FARP1: variants seen among roughly 807,000 people sequenced by gnomAD.
FARP1 encodes the protein FERM, ARHGEF and pleckstrin domain-containing protein 1.
Under a neutral mutation model 128.8 loss-of-function variants are expected in FARP1, and 52 were observed. That is an observed-to-expected ratio of 0.40 (90% confidence interval 0.32 to 0.51). The LOEUF (loss-of-function observed/expected upper bound fraction) is 0.51. FARP1 is among the 20% of genes least tolerant of loss of function. FARP1 has a pLI of 0.45. For synonymous variants in FARP1, 580 were observed against 551.8 expected, an observed-to-expected ratio of 1.05 and a Z score of -0.72; for missense variants, 1,333 against 1,367.9, an observed-to-expected ratio of 0.97 and a Z score of 0.40.
intron 2 of FARP1, among the ~76,000 whole-genome samples, chr13:98,321,141 A>G (rs1419091341): frequency 6.6e-6 from 1 of 152,216 alleles, no homozygotes; most frequent in African/African-American, 2.4e-5. Context: ...GATTCAGACA[A>G]ACCCTCCAGG....
chr13:98,255,437 C>T (rs953529523), intron 2 of FARP1, among the ~76,000 whole-genome samples: 4 of 152,026 alleles, frequency 2.6e-5, no homozygotes, highest in African/African-American at 9.7e-5. Flanking sequence ...GGACGCGAAG[C>T]TTGCAGTGAG....
At chr13:98,417,191 T>A (rs1288246970) in intron 16 of FARP1, among the ~76,000 whole-genome samples, 1 of 151,850 alleles carries the variant, frequency 6.6e-6, no homozygotes, top group Non-Finnish European at 1.5e-5. Flanking sequence ...GCTTTGGGAA[T>A]GATAATTTTG....
Position 98,439,223 on chromosome 13 carries a change from G to A in FARP1, c.2433+27G>A, listed in dbSNP as rs1326010153. The A allele has an allele frequency of 5.2e-6, 8 of 1,544,016 alleles. No homozygotes were observed. In the Admixed American group the frequency reaches 5.2e-5, roughly 10 times the overall value. On this transcript the variant is annotated intron_variant, in intron 21 of 26. Coordinates refer to ENST00000319562, the MANE Select transcript of FARP1 (RefSeq NM_005766.4). ...TGAGTACAGCACAGGCTCGTGGCCA[G>A]GGCCTGTCCTCGGGGGCAGCAGGTG... is the stretch of plus-strand genomic sequence containing the variant.
chr13:98,288,688 G>A (rs1885310279), intron 2 of FARP1, among the ~76,000 whole-genome samples: 1 of 152,164 alleles, frequency 6.6e-6, no homozygotes, highest in Non-Finnish European at 1.5e-5. Context: ...CATGGTTAGT[G>A]GTGCCTACAG....
At chr13:98,353,125 C>T (rs904537854) in intron 3 of FARP1, among the ~76,000 whole-genome samples, 14 of 152,154 alleles carry the variant, frequency 9.2e-5, no homozygotes, top group Non-Finnish European at 1.8e-4. Flanking sequence ...CGAAGCCATT[C>T]ATGAGTCTCA....
At chr13:98,197,188 C>T (rs1254032293) in intron 1 of FARP1, among the ~76,000 whole-genome samples, 1 of 152,120 alleles carries the variant, frequency 6.6e-6, no homozygotes, top group African/African-American at 2.4e-5. Flanking sequence ...TGATGTTGGC[C>T]AGGCGTGGTG....
At chr13:98,258,762 C>A (rs1289580138) in intron 2 of FARP1, among the ~76,000 whole-genome samples, 1 of 152,076 alleles carries the variant, frequency 6.6e-6, no homozygotes, top group Non-Finnish European at 1.5e-5. Flanking sequence ...TGCCTGACAT[C>A]TAATTTCTTA....
chr13:98,318,571 A>G (rs1886845211), intron 2 of FARP1, among the ~76,000 whole-genome samples: 1 of 152,220 alleles, frequency 6.6e-6, no homozygotes, highest in Non-Finnish European at 1.5e-5. Context: ...GATGAGAGCC[A>G]CAGGCTGCCC....
At chr13:98,407,368 G>A (rs555161760) in intron 13 of FARP1, 1 of 151,198 alleles carries the variant, frequency 6.6e-6, no homozygotes, top group Non-Finnish European at 1.5e-5. Flanking sequence ...AAATAATAGT[G>A]TAGTACCTTG....
intron 1 of FARP1, chr13:98,204,075 A>C (rs578140399): frequency 6.6e-6 from 1 of 152,332 alleles, no homozygotes; most frequent in South Asian, 2.1e-4. Context: ...GAGGGAGGAA[A>C]GGAACACCCG....
intron 5 of FARP1, 34 bp downstream of exon 5, chr13:98,368,229 C>T (rs1469238921): frequency 2.1e-6 from 3 of 1,456,694 alleles, no homozygotes; most frequent in South Asian, 1.2e-5. Context: ...TTTTTTGCTA[C>T]AGAGTACAGA....
At chr13:98,182,046 A>G (rs887498399) in intron 1 of FARP1, among the ~76,000 whole-genome samples, 1 of 151,998 alleles carries the variant, frequency 6.6e-6, no homozygotes, top group Non-Finnish European at 1.5e-5. Context: ...CTTATAAACT[A>G]TGAGTTTGTG....
chr13:98,362,287 C>T (rs1594445970), intron 3 of FARP1, among the ~76,000 whole-genome samples: 1 of 152,138 alleles, frequency 6.6e-6, no homozygotes, highest in Non-Finnish European at 1.5e-5. Flanking sequence ...ATACCCTTAC[C>T]TGATTCCCCA....
At chr13:98,377,979 G>A in intron 6 of FARP1, 61 bp downstream of exon 6, 7 of 1,267,800 alleles carry the variant, frequency 5.5e-6, no homozygotes, top group African/African-American at 1.5e-5. Context: ...TCTGATTGAT[G>A]GGAAAAAAAT....
intron 15 of FARP1, 31 bp from the exon 16 acceptor site, chr13:98,411,870 A>G: frequency 6.2e-7 from 1 of 1,608,146 alleles, no homozygotes; most frequent in East Asian, 2.2e-5. Flanking sequence ...TGATCTTTCC[A>G]CCCGTAAGTG....
chr13:98,282,916 A>T (rs903644453), intron 2 of FARP1, among the ~76,000 whole-genome samples: 1 of 152,208 alleles, frequency 6.6e-6, no homozygotes, highest in East Asian at 1.9e-4. Flanking sequence ...AAATAAAAAA[A>T]AATAAAAAAT....
At chr13:98,332,907 A>G (rs1887571016) in intron 2 of FARP1, 1 of 152,212 alleles carries the variant, frequency 6.6e-6, no homozygotes, top group Non-Finnish European at 1.5e-5. Context: ...CTGCTGAGTC[A>G]CGGGACTAAG....
At chr13:98,238,048 A>G (rs914350522) in intron 2 of FARP1, among the ~76,000 whole-genome samples, 5 of 152,212 alleles carry the variant, frequency 3.3e-5, no homozygotes, top group Non-Finnish European at 7.3e-5. Flanking sequence ...TGAAGGATCT[A>G]AAGCTGGAGA....
intron 2 of FARP1, among the ~76,000 whole-genome samples, chr13:98,278,616 A>G (rs1426432217): frequency 1.3e-5 from 2 of 152,146 alleles, no homozygotes; most frequent in Non-Finnish European, 2.9e-5. Flanking sequence ...CATAATAACC[A>G]CTACTCATCA....
Sources: allele counts gnomAD v4.1 joint callset (sites outside exome capture counted in the v4.1 genomes callset), GRCh38; gene constraint gnomAD v4.1.1; transcripts MANE v1.5; gene names NCBI Gene and HGNC (gene_info 2026-07-23, HGNC 2026-07-21).